DDHD2: variants seen among roughly 807,000 people sequenced by gnomAD.
The protein encoded by DDHD2 is DDHD domain containing 2.
In DDHD2, 62 loss-of-function variants were observed where a neutral mutation model predicts 91.2. The observed-to-expected ratio is 0.68, with a 90% CI of 0.55 to 0.84. The LOEUF is 0.84. Among genes scored for constraint, DDHD2 ranks in the 40% least tolerant of loss-of-function variants. The probability of loss-of-function intolerance (pLI) is 0.00; values close to 1 mark genes in which losing one functional copy is unlikely to be tolerated. For missense variants in DDHD2, 740 were observed against 846.9 expected (o/e 0.87, Z 1.57); for synonymous variants, 271 against 293.9 (o/e 0.92, Z 0.80).
At chr8:38,251,510 T>G (rs1402914415) in intron 11 of DDHD2, 3 of 163,726 alleles carry the variant, frequency 1.8e-5, no homozygotes, top group Non-Finnish European at 4.0e-5. Context: ...CTGCTATTGT[T>G]TTCTCTTATG....
intron 3 of DDHD2, among the ~76,000 whole-genome samples, chr8:38,236,500 G>A (rs948747723): frequency 2.0e-5 from 3 of 150,770 alleles, no homozygotes; most frequent in African/African-American, 7.3e-5. Context: ...GATTACAAGC[G>A]TGCCTCACCA....
chr8:38,249,338 A>G (rs912616084), intron 10 of DDHD2, among the ~76,000 whole-genome samples: 2 of 150,830 alleles, frequency 1.3e-5, no homozygotes, highest in East Asian at 3.9e-4. Context: ...TCCTGACCTC[A>G]TGATCCACCC....
chr8:38,233,131 A>G lies in DDHD2; in HGVS notation c.137A>G (p.Tyr46Cys). 2 of 1,614,104 alleles carry G rather than the reference A, an allele frequency of 1.2e-6. No homozygotes were observed. Among genetic ancestry groups the G allele is most frequent in the Non-Finnish European group, 8.5e-7 (1 of 1,179,996 alleles). The change falls in exon 2 of 18, where the codon TAT becomes TGT. Residue 46 changes from tyrosine (Y) to cysteine (C), a missense_variant. Physicochemically the swap from Tyr to Cys is radical, Grantham distance 194. Coordinates refer to ENST00000397166, the MANE Select transcript of DDHD2 (RefSeq NM_015214.3). Reference protein sequence around the residue: ...LYEPVSPHWFYCKIIDSKETW... With the variant: ...LYEPVSPHWFCCKIIDSKETW... ...GAACCAGTTTCTCCCCATTGGTTTT[A>G]TTGTAAGATAATAGATTCTAAGGAG...
At chr8:38,251,861 G>C in intron 11 of DDHD2, 51 bp from the exon 12 acceptor site, 2 of 1,355,260 alleles carry the variant, frequency 1.5e-6, no homozygotes, top group Non-Finnish European at 2.1e-6. Flanking sequence ...GGGACTACAG[G>C]TGCATGCCGT....
chr8:38,253,590 A>G lies in DDHD2; in HGVS notation c.1926A>G (p.Lys642=). ...CAGAAGAGACCTCTGTGGCAGTTAAAGAAGAAGTCCTGCCTATCAATGTGG... is the reference window on the plus strand; with the variant it reads ...CAGAAGAGACCTCTGTGGCAGTTAAGGAAGAAGTCCTGCCTATCAATGTGG... ...VNTEETSVAV[K]EEVLPINVGM... Residue 642 remains lysine (K), a synonymous_variant, in exon 16 of 18, where the codon AAA becomes AAG. Coordinates refer to ENST00000397166, the MANE Select transcript of DDHD2 (RefSeq NM_015214.3). The G allele has an allele frequency of 1.2e-6, 2 of 1,614,112 alleles. No individual in the cohort carries two copies. Among genetic ancestry groups the G allele is most frequent in the Non-Finnish European group, 1.7e-6 (2 of 1,179,986 alleles).
At chr8:38,270,472 C>T (rs1032656840) in intron 1 of DDHD2, 2 of 152,224 alleles carry the variant, frequency 1.3e-5, no homozygotes, top group African/African-American at 4.8e-5. Context: ...TTGTAATACT[C>T]ATTTAGCATC....
chr8:38,252,065 T>C (rs762596843), intron 12 of DDHD2, 37 bp downstream of exon 12: 5 of 1,612,936 alleles, frequency 3.1e-6, no homozygotes, highest in South Asian at 1.1e-5. Context: ...CAGCCTGCTA[T>C]TTGTATGGTA....
chr8:38,249,718 C>G lies in DDHD2; in HGVS notation c.1259C>G (p.Thr420Arg). 6.2e-7 allele frequency: 1 copy of G among 1,607,952 alleles called. No individual in the cohort carries two copies. Among genetic ancestry groups the G allele is most frequent in the Non-Finnish European group, 8.5e-7 (1 of 1,175,708 alleles). ...ATTTTCTATGCCTAGGCTTTATGTA[C>G]AGACCGAGATCTTCAGGAAATAGGA... Reference protein sequence around the residue: ...KVDKEALALCTDRDLQEIGIP... With the variant: ...KVDKEALALCRDRDLQEIGIP... Residue 420 changes from threonine (T) to arginine (R), a missense_variant, in exon 11 of 18, where the codon ACA (threonine) becomes AGA (arginine). By Grantham distance (71) the Thr-to-Arg change is moderately conservative (BLOSUM62 -1). Around this residue, in one of 2 missense-constraint regions of DDHD2, gnomAD observed 693 missense variants for 764.2 expected, o/e 0.91. Transcript: ENST00000397166.
At chr8:38,254,811 C>T (rs1174029156) in intron 16 of DDHD2, among the ~76,000 whole-genome samples, 1 of 151,898 alleles carries the variant, frequency 6.6e-6, no homozygotes, top group African/African-American at 2.4e-5. Context: ...TTGCTTGAGG[C>T]CAGGAGTTGA....
At chr8:38,259,387 G>GT (rs1241069968) in intron 16 of DDHD2, among the ~76,000 whole-genome samples, 544 of 132,878 alleles carry the variant, frequency 4.1e-3, no homozygotes, top group Middle Eastern at 7.6e-3. Flanking sequence ...CGCCTGGCTA[G>GT]TTTTTTTTTT....
At chr8:38,258,165 T>C (rs1201063476) in intron 16 of DDHD2, among the ~76,000 whole-genome samples, 1 of 152,148 alleles carries the variant, frequency 6.6e-6, no homozygotes, top group Non-Finnish European at 1.5e-5. Flanking sequence ...AATTTTTACA[T>C]ATAAATCTTT....
In DDHD2 at chr8:38,252,299, A is replaced by G. The variant is rs761206131; in HGVS notation, c.1617+12A>G. 3 of 1,597,502 alleles carry G rather than the reference A, an allele frequency of 1.9e-6. No individual in the cohort carries two copies. The highest frequency in any genetic ancestry group is 1.1e-5 in the South Asian group (1 of 87,876). On this transcript the variant is annotated intron_variant, in intron 13 of 17. Coordinates refer to ENST00000397166, the MANE Select transcript of DDHD2 (RefSeq NM_015214.3). ...ATATTTATCACCCTGTAAGCATTGT[A>G]CAGCTATTGTGGTTTTACCTAAATA...
chr8:38,235,623 A>G (rs1359573353), intron 3 of DDHD2, among the ~76,000 whole-genome samples: 1 of 150,894 alleles, frequency 6.6e-6, no homozygotes, highest in East Asian at 2.0e-4. Context: ...TGGGAGGCTG[A>G]GGCAAGAGAA....
chr8:38,264,709 G>A (rs1807313599), downstream of DDHD2: 1 of 1,432,390 alleles, frequency 7.0e-7, no homozygotes, highest in Non-Finnish European at 9.2e-7. Context: ...CTACTGTGGG[G>A]CTAAAATAAC....
chr8:38,263,805 G>A (rs1179912852), downstream of DDHD2: 1 of 985,116 alleles, frequency 1.0e-6, no homozygotes, highest in Non-Finnish European at 1.2e-6. Context: ...GTGGGGCTAT[G>A]TAAAGGCTTC....
chr8:38,267,598 A>ATGAT (rs1168862498), downstream of DDHD2: 4 of 659,510 alleles, frequency 6.1e-6, no homozygotes, highest in Non-Finnish European at 1.0e-5. Flanking sequence ...ATTCCAGCAC[A>ATGAT]TGATTACTTT....
chr8:38,233,068 C>T lies in DDHD2; in HGVS notation c.74C>T (p.Ser25Phe), dbSNP rs766240465. ...TCTCCGTCACCAAACTCATGTAGTT[C>T]CTTTGAGCTAATAGACATGGATGCT... is the stretch of plus-strand genomic sequence containing the variant. ...DPSPSPNSCSSFELIDMDAGS... is the reference protein window; with the variant it reads ...DPSPSPNSCSFFELIDMDAGS... The change falls in exon 2 of 18, where the codon TCC becomes TTC. Residue 25 changes from serine (S) to phenylalanine (F), a missense_variant. Coordinates refer to ENST00000397166, the MANE Select transcript of DDHD2 (RefSeq NM_015214.3). 6 of 1,614,166 alleles carry T rather than the reference C, an allele frequency of 3.7e-6. No homozygotes were observed. Among genetic ancestry groups the T allele is most frequent in the Non-Finnish European group, 5.1e-6 (6 of 1,180,034 alleles).
chr8:38,263,671 A>G, downstream of DDHD2: 1 of 985,402 alleles, frequency 1.0e-6, no homozygotes, highest in South Asian at 4.7e-5. Context: ...GCTTGATGGA[A>G]TTGTCATCAG....
At position 38,261,805 on chromosome 8, in the gene DDHD2, G is replaced by C. The variant is rs1012986611; in HGVS notation, c.*1232G>C. The C allele has an allele frequency of 6.6e-6, 1 of 152,020 alleles. No homozygotes were observed. The highest frequency in any genetic ancestry group is 1.5e-5 in the Non-Finnish European group (1 of 67,982). The allele number at this position is 152,020 out of a possible 1,614,324, so 9.4% of individuals were successfully genotyped here. The stretch of plus-strand genomic sequence containing the variant: ...TTGCTGTAGATTTTTCTTCTTCATT[G>C]GTCAGTTTGTCATTGTCTTTGTAGT... On this transcript the variant is annotated 3_prime_UTR_variant, in exon 18 of 18. Transcript: ENST00000397166.
Sources: allele counts gnomAD v4.1 joint callset (sites outside exome capture counted in the v4.1 genomes callset), GRCh38; gene constraint gnomAD v4.1.1; regional missense constraint gnomAD v4.1.1; transcripts MANE v1.5; gene names NCBI Gene and HGNC (gene_info 2026-07-23, HGNC 2026-07-21).